The following NOXRED1 variants were observed in gnomAD, a reference collection of about 807,000 sequenced individuals.
NOXRED1 encodes NADP-dependent oxidoreductase domain-containing protein 1.
In NOXRED1, 20 loss-of-function variants were observed where a neutral mutation model predicts 30.4. The observed-to-expected ratio is 0.66, with a 90% CI of 0.46 to 0.96. The LOEUF (loss-of-function observed/expected upper bound fraction) is 0.96. Among genes scored for constraint, NOXRED1 ranks in the 40% least tolerant of loss-of-function variants. The probability of loss-of-function intolerance (pLI) is 0.00; values close to 1 mark genes in which losing one functional copy is unlikely to be tolerated. For synonymous variants in NOXRED1, 155 were observed against 168.0 expected (o/e 0.92, Z 0.60); for missense variants, 374 against 428.0 (o/e 0.87, Z 1.11).
At position 77,411,960 on chromosome 14, in the gene NOXRED1, T is replaced by A. The variant is rs138445397; in HGVS notation, c.349+1974A>T. 1.4e-4 allele frequency among the ~76,000 whole-genome samples: 21 copies of A among 152,086 alleles called. No homozygotes were observed. In the East Asian group the frequency reaches 4.1e-3, roughly 29 times the overall value. On this transcript the variant is annotated intron_variant, in intron 2 of 5. Coordinates refer to ENST00000380835, the MANE Select transcript of NOXRED1 (RefSeq NM_001113475.3). ...TGCAAAAAAATTTAGCTGGGTGTGGTGGCGTATGCCTGTAATTCCAGCTAC... is the reference window on the plus strand; with the variant it reads ...TGCAAAAAAATTTAGCTGGGTGTGGAGGCGTATGCCTGTAATTCCAGCTAC...
intron 5 of NOXRED1, among the ~76,000 whole-genome samples, chr14:77,399,361 G>T (rs1894266829): frequency 6.6e-6 from 1 of 152,022 alleles, no homozygotes; most frequent in Non-Finnish European, 1.5e-5. Flanking sequence ...GAGGTGGGAG[G>T]ATCACTTGAG....
At chr14:77,421,128 G>C (rs1894983565) in intron 1 of NOXRED1, among the ~76,000 whole-genome samples, 2 of 152,202 alleles carry the variant, frequency 1.3e-5, no homozygotes, top group South Asian at 4.1e-4. Context: ...CCCTCCAAAG[G>C]AGAAGCCACA....
At chr14:77,407,020 C>T (rs940914908) in intron 3 of NOXRED1, 145 bp from the exon 4 acceptor site, 29 of 688,296 alleles carry the variant, frequency 4.2e-5, no homozygotes, top group Non-Finnish European at 4.2e-5. Flanking sequence ...GCTGAGAGCA[C>T]TAATTAACTG....
chr14:77,405,169 C>T (rs1027925741), intron 5 of NOXRED1, among the ~76,000 whole-genome samples: 1 of 152,144 alleles, frequency 6.6e-6, no homozygotes, highest in Non-Finnish European at 1.5e-5. Context: ...CCAAGGCGGG[C>T]GGATCACTTG....
In NOXRED1 at chr14:77,404,073, C is replaced by T. The variant is rs367663892; in HGVS notation, c.905+1840G>A. Among the ~76,000 whole-genome samples the T allele has an allele frequency of 3.3e-4, 50 of 152,208 alleles. 1 individual carries two copies. The South Asian group carries it at 9.1e-3, about 28-fold the overall frequency. On this transcript the variant is annotated intron_variant, in intron 5 of 5. Transcript: ENST00000380835. ...TGGCTATGTTCTCAATAAAATAGAACGCTAGAATAAAAACATCTCAAAGAG... is the reference window on the plus strand; with the variant it reads ...TGGCTATGTTCTCAATAAAATAGAATGCTAGAATAAAAACATCTCAAAGAG...
chr14:77,410,072 G>C lies in NOXRED1; in HGVS notation c.350-2427C>G, dbSNP rs907211263. ...GCTGACTCAGTCTCTCAGAGTGCTGGGATTACCGGCATGAGCCACCATGCC... is the reference window on the plus strand; with the variant it reads ...GCTGACTCAGTCTCTCAGAGTGCTGCGATTACCGGCATGAGCCACCATGCC... On this transcript the variant is annotated intron_variant, in intron 2 of 5. Coordinates refer to ENST00000380835, the MANE Select transcript of NOXRED1 (RefSeq NM_001113475.3). 2.6e-5 allele frequency among the ~76,000 whole-genome samples: 4 copies of C among 151,994 alleles called. No homozygotes were observed. The East Asian group carries it at 7.8e-4, about 29-fold the overall frequency.
chr14:77,401,687 C>G (rs955946263), intron 5 of NOXRED1, among the ~76,000 whole-genome samples: 1 of 152,188 alleles, frequency 6.6e-6, no homozygotes, highest in African/African-American at 2.4e-5. Context: ...GCTGGGGCAG[C>G]AGAGCAAGAC....
intron 2 of NOXRED1, among the ~76,000 whole-genome samples, chr14:77,412,987 C>G (rs1250091165): frequency 2.0e-5 from 3 of 151,300 alleles, no homozygotes; most frequent in Non-Finnish European, 2.9e-5. Context: ...GACAAATTTT[C>G]TACAATATGC....
Position 77,406,757 on chromosome 14 carries a change from T to TAC in NOXRED1, c.648_649insGT (p.Ile217ValfsTer15), listed in dbSNP as rs778503332. ...CTGTAGGGACAGGTAGCTTGAAGAA[T>TAC]CGTAGGATCTTGGAGAGCAGCTATG... On this transcript the variant is annotated frameshift_variant, in exon 4 of 6. Coordinates refer to ENST00000380835, the MANE Select transcript of NOXRED1 (RefSeq NM_001113475.3). LOFTEE classifies it high-confidence loss of function. The TAC allele has an allele frequency of 1.9e-6, 3 of 1,614,080 alleles. No homozygotes were observed. Among genetic ancestry groups the TAC allele is most frequent in the Non-Finnish European group, 2.5e-6 (3 of 1,179,984 alleles).
intron 1 of NOXRED1, among the ~76,000 whole-genome samples, chr14:77,416,750 A>C (rs1894835635): frequency 2.0e-5 from 3 of 151,614 alleles, no homozygotes; most frequent in African/African-American, 4.8e-5. Context: ...GGCTGGGCAG[A>C]GGGGCTCCTC....
rs1417070263 is a variant in NOXRED1, at chr14:77,416,699, T to C, written c.156-2572A>G. 1.5e-4 allele frequency among the ~76,000 whole-genome samples: 23 copies of C among 152,338 alleles called. No individual in the cohort carries two copies. The South Asian group carries it at 4.8e-3, about 32-fold the overall frequency. Reference sequence around the variant, plus strand: ...AAACCGCCATTGTCATCATGGCCCGTTCTCAATGAGCTGTTGGGTACACCT... The same window carrying C: ...AAACCGCCATTGTCATCATGGCCCGCTCTCAATGAGCTGTTGGGTACACCT... On this transcript the variant is annotated intron_variant, in intron 1 of 5. Transcript: ENST00000380835.
intron 5 of NOXRED1, among the ~76,000 whole-genome samples, chr14:77,401,857 T>C (rs1894334130): frequency 6.6e-6 from 1 of 152,142 alleles, no homozygotes; most frequent in Admixed American, 6.5e-5. Context: ...TGGAATAGAA[T>C]AGAAAGCCCA....
intron 1 of NOXRED1, among the ~76,000 whole-genome samples, chr14:77,419,097 G>T: frequency 6.9e-6 from 1 of 145,600 alleles, no homozygotes. Flanking sequence ...TTGAGATAGA[G>T]TTTTGCTATT....
chr14:77,413,749 G>A lies in NOXRED1; in HGVS notation c.349+185C>T, dbSNP rs115575552. Reference sequence around the variant, plus strand: ...GACATGGATATAAAACACATACATGGAGAAAAAAAGTCGCTTTAAAGAACA... The same window carrying A: ...GACATGGATATAAAACACATACATGAAGAAAAAAAGTCGCTTTAAAGAACA... On this transcript the variant is annotated intron_variant, in intron 2 of 5. Transcript: ENST00000380835. 8.2e-3 allele frequency among the ~76,000 whole-genome samples: 1,242 copies of A among 152,162 alleles called. 20 individuals are homozygous for A. The highest frequency in any genetic ancestry group is 0.028 in the African/African-American group (1,161 of 41,514).
At chr14:77,419,208 G>C in intron 1 of NOXRED1, among the ~76,000 whole-genome samples, 1 of 151,764 alleles carries the variant, frequency 6.6e-6, no homozygotes, top group Non-Finnish European at 1.5e-5. Flanking sequence ...AAGTATCTGG[G>C]ATTACAGGTA....
At position 77,407,631 on chromosome 14, in the gene NOXRED1, G is replaced by A. The variant is rs147366333; in HGVS notation, c.364C>T (p.Leu122=). 141 of 1,613,776 alleles carry A rather than the reference G, an allele frequency of 8.7e-5. 1 individual carries two copies. The African/African-American group carries it at 1.7e-3, about 19-fold the overall frequency. ...TTATGGTAAAAGCATTTGATTCCCA[G>A]CTTCTGGAGCTCACCTGGGAGGGAT... is the stretch of plus-strand genomic sequence containing the variant. ...RPETLGELQK[L]GIKCFYHNAD... is the part of the protein sequence containing the mutation. The change falls in exon 3 of 6, where the codon CTG becomes TTG. Residue 122 remains leucine, a synonymous_variant. Transcript: ENST00000380835.
intron 2 of NOXRED1, among the ~76,000 whole-genome samples, chr14:77,412,100 C>T (rs1257647775): frequency 8.7e-5 from 6 of 68,734 alleles, no homozygotes; most frequent in Admixed American, 4.7e-4. Context: ...AAGACTCAGT[C>T]TAAAAAAAAA....
intron 1 of NOXRED1, among the ~76,000 whole-genome samples, chr14:77,419,752 G>C (rs979048344): frequency 3.9e-5 from 6 of 152,000 alleles, no homozygotes; most frequent in African/African-American, 1.2e-4. Context: ...CTGACCAACA[G>C]GTTTTTTTTT....
intron 1 of NOXRED1, among the ~76,000 whole-genome samples, chr14:77,419,615 A>G (rs1160514733): frequency 2.7e-5 from 4 of 150,868 alleles, no homozygotes; most frequent in African/African-American, 9.7e-5. Flanking sequence ...CGCCCGGCTA[A>G]TTTTTTGTAT....
Sources: gnomAD v4.1 joint callset for allele counts (sites outside exome capture counted in the v4.1 genomes callset) on GRCh38, gnomAD v4.1.1 for gene constraint, MANE v1.5 for transcripts, NCBI Gene and HGNC (gene_info 2026-07-23, HGNC 2026-07-21) for gene names.